EYS: variants seen among roughly 807,000 people sequenced by gnomAD.
EYS encodes the protein protein eyes shut homolog.
A neutral mutation model predicts 282.1 loss-of-function variants in EYS; 250 were observed. The observed-to-expected ratio is 0.89, with a 90% CI of 0.80 to 0.98. EYS has a LOEUF of 0.98. Ranked by LOEUF, EYS falls within the 50% of genes least tolerant of loss-of-function variation. The pLI is 0.00. For synonymous variants in EYS, 1,355 were observed against 1,282.9 expected, an observed-to-expected ratio of 1.06 and a Z score of -1.20; for missense variants, 4,016 against 3,709.0, an observed-to-expected ratio of 1.08 and a Z score of -2.15.
At chr6:64,536,724 T>C (rs923904364) in intron 26 of EYS, among the ~76,000 whole-genome samples, 1 of 151,928 alleles carries the variant, frequency 6.6e-6, no homozygotes, top group Non-Finnish European at 1.5e-5. Context: ...AAAAGAGAGA[T>C]AAATAGCATT....
Position 65,603,466 on chromosome 6 carries a change from A to AT in EYS, c.-333+36311dup, listed in dbSNP as rs1366322344. 3.3e-5 allele frequency among the ~76,000 whole-genome samples: 5 copies of AT among 151,960 alleles called. No homozygotes were observed. The East Asian group carries it at 7.7e-4, about 24-fold the overall frequency. ...CAATTTGCCTTCATAAATTGCTTACATTTTTTCTGAAGAAAGATAGTTTTA... is the reference window on the plus strand; with the variant it reads ...CAATTTGCCTTCATAAATTGCTTACATTTTTTTCTGAAGAAAGATAGTTTTA... On this transcript the variant is annotated intron_variant, in intron 2 of 42. Transcript: ENST00000503581.
chr6:64,186,679 C>G (rs1372682127), intron 31 of EYS, among the ~76,000 whole-genome samples: 1 of 152,070 alleles, frequency 6.6e-6, no homozygotes, highest in Non-Finnish European at 1.5e-5. Flanking sequence ...TAAACAGAAG[C>G]AAAGCTGTCT....
Position 64,593,191 on chromosome 6 carries a change from G to A in EYS, c.3803C>T (p.Thr1268Ile), listed in dbSNP as rs1766465857. The A allele has an allele frequency of 6.5e-7, 1 of 1,549,810 alleles. No individual in the cohort carries two copies. The highest frequency in any genetic ancestry group is 2.0e-5 in the Admixed American group (1 of 50,734). The change falls in exon 25 of 43, where the codon ACT (threonine) becomes ATT (isoleucine). Residue 1268 changes from threonine (T) to isoleucine (I), a missense_variant. Coordinates refer to ENST00000503581, the MANE Select transcript of EYS (RefSeq NM_001142800.2). The part of the protein sequence containing the change: ...TQTYTIPPSE[T>I]LVSSFPSIKA... Reference sequence around the variant, plus strand: ...TATAGATGGAAAGCTGCTGACCAAAGTCTCAGAAGGGGGAATTGTATATGT... The same window carrying A: ...TATAGATGGAAAGCTGCTGACCAAAATCTCAGAAGGGGGAATTGTATATGT...
chr6:65,055,049 A>G (rs1031549795), intron 13 of EYS, among the ~76,000 whole-genome samples: 1 of 152,016 alleles, frequency 6.6e-6, no homozygotes, highest in Non-Finnish European at 1.5e-5. Context: ...TGGCACAATA[A>G]TAATTCACAG....
At chr6:64,099,189 GC>G (rs929852807) in intron 31 of EYS, among the ~76,000 whole-genome samples, 2 of 152,064 alleles carry the variant, frequency 1.3e-5, no homozygotes, top group African/African-American at 4.8e-5. Flanking sequence ...CATATTTTAT[GC>G]CCATTTTTCC....
intron 31 of EYS, among the ~76,000 whole-genome samples, chr6:64,106,769 C>T (rs953949255): frequency 1.3e-5 from 2 of 151,280 alleles, no homozygotes; most frequent in Non-Finnish European, 2.9e-5. Context: ...TTCTTTTTTC[C>T]ATTCTCTCCT....
chr6:63,850,531 T>A (rs1246820247), intron 36 of EYS, among the ~76,000 whole-genome samples: 2 of 152,078 alleles, frequency 1.3e-5, no homozygotes, highest in Non-Finnish European at 2.9e-5. Flanking sequence ...TATTCAACAT[T>A]CTTAAATGAA....
intron 13 of EYS, among the ~76,000 whole-genome samples, chr6:65,006,503 C>CAAAAAAAAAAAAA (rs59057058): frequency 8.4e-5 from 7 of 83,270 alleles, no homozygotes; most frequent in Non-Finnish European, 1.1e-4. Context: ...TATTCTAAGT[C>CAAAAAAAAAAAAA]AAAAAAAAAA....
chr6:65,329,965 C>T, intron 11 of EYS: 2 of 977,664 alleles, frequency 2.0e-6, no homozygotes, highest in South Asian at 4.7e-5. Context: ...TAACATTACA[C>T]AGAAAATGTG....
chr6:64,261,274 G>A (rs1767578406), intron 30 of EYS, among the ~76,000 whole-genome samples: 1 of 152,050 alleles, frequency 6.6e-6, no homozygotes, highest in Non-Finnish European at 1.5e-5. Flanking sequence ...CCAAAGCAAT[G>A]ATGGACAAAT....
intron 14 of EYS, among the ~76,000 whole-genome samples, chr6:64,972,702 A>G (rs1400543179): frequency 6.6e-6 from 1 of 151,590 alleles, no homozygotes; most frequent in East Asian, 1.9e-4. Context: ...AGACTACATT[A>G]CTGGTAAGTC....
chr6:64,660,026 AG>A (rs1297919489), intron 22 of EYS, among the ~76,000 whole-genome samples: 2 of 152,216 alleles, frequency 1.3e-5, no homozygotes, highest in Non-Finnish European at 2.9e-5. Flanking sequence ...CACATCAAAA[AG>A]CTTATCCACT....
rs1178164908 is a variant in EYS at position 64,295,538 on chromosome 6, G to A, written c.6191+11432C>T. Reference sequence around the variant, plus strand: ...AGAAGAAAGAAGAAAGAAGAAGAAAGAAGAAGAAAGAAGAAGAAAGAAGAA... The same window carrying A: ...AGAAGAAAGAAGAAAGAAGAAGAAAAAAGAAGAAAGAAGAAGAAAGAAGAA... On this transcript the variant is annotated intron_variant, in intron 30 of 42. Transcript: ENST00000503581. 2.0e-4 allele frequency among the ~76,000 whole-genome samples: 11 copies of A among 55,820 alleles called. 3 individuals carry two copies. The highest frequency in any genetic ancestry group is 1.4e-3 in the African/African-American group (11 of 7,892). The allele number at this position is 55,820 out of a possible 152,430, so 36.6% of individuals were successfully genotyped here.
intron 12 of EYS, among the ~76,000 whole-genome samples, chr6:65,123,324 T>G (rs1775619817): frequency 6.6e-6 from 1 of 152,178 alleles, no homozygotes; most frequent in Non-Finnish European, 1.5e-5. Flanking sequence ...TTTTATTTTG[T>G]GTTAAATTTA....
intron 29 of EYS, among the ~76,000 whole-genome samples, chr6:64,355,339 A>G (rs182764601): frequency 1.8e-4 from 27 of 151,670 alleles, no homozygotes; most frequent in Middle Eastern, 3.4e-3. Flanking sequence ...TTTCCTCATT[A>G]GTAAAATGGG....
intron 26 of EYS, among the ~76,000 whole-genome samples, chr6:64,460,583 A>G (rs551756894): frequency 2.0e-4 from 30 of 152,360 alleles, no homozygotes; most frequent in African/African-American, 6.7e-4. Context: ...ATGATGAGAT[A>G]GAATTATACA....
intron 5 of EYS, among the ~76,000 whole-genome samples, chr6:65,436,702 T>C (rs1169438082): frequency 1.3e-5 from 2 of 152,182 alleles, no homozygotes; most frequent in African/African-American, 4.8e-5. Context: ...AATATCAATA[T>C]ACAAAATAGA....
chr6:65,232,927 T>G lies in EYS; in HGVS notation c.2023+62936A>C, dbSNP rs368696608. Among the ~76,000 whole-genome samples the G allele has an allele frequency of 1.3e-3, 201 of 152,256 alleles. 2 individuals carry two copies. The highest frequency in any genetic ancestry group is 4.5e-3 in the African/African-American group (189 of 41,566). On this transcript the variant is annotated intron_variant, in intron 12 of 42. Transcript: ENST00000503581. ...TACTGTGACTTTTTCACTTAGCATG[T>G]TTTCAAGATCCATCAATATTGTCAC...
At chr6:64,492,522 T>G (rs1776770765) in intron 26 of EYS, among the ~76,000 whole-genome samples, 1 of 151,044 alleles carries the variant, frequency 6.6e-6, no homozygotes, top group South Asian at 2.1e-4. Context: ...TGAATGAGAG[T>G]GTCCTAATTT....
Sources: gnomAD v4.1 joint callset for allele counts (sites outside exome capture counted in the v4.1 genomes callset) on GRCh38, gnomAD v4.1.1 for gene constraint, MANE v1.5 for transcripts, NCBI Gene and HGNC (gene_info 2026-07-23, HGNC 2026-07-21) for gene names.